Variants in SND1 observed in about 807,000 individuals in gnomAD.
SND1 encodes staphylococcal nuclease domain-containing protein 1.
In SND1, 38 loss-of-function variants were observed where a neutral mutation model predicts 121.7. The ratio of observed to expected loss-of-function variants is 0.31; its 90% CI spans 0.24 to 0.41. SND1 has a LOEUF of 0.41. Among genes scored for constraint, SND1 ranks in the 10% least tolerant of loss-of-function variants. The probability of loss-of-function intolerance (pLI) is 1.00; values close to 1 mark genes in which losing one functional copy is unlikely to be tolerated. For missense variants in SND1, 868 were observed against 1,184.6 expected (o/e 0.73, Z 3.92); for synonymous variants, 401 against 447.4 (o/e 0.90, Z 1.31).
intron 1 of SND1, among the ~76,000 whole-genome samples, chr7:127,678,851 A>C (rs1795659155): frequency 6.6e-6 from 1 of 152,024 alleles, no homozygotes; most frequent in Non-Finnish European, 1.5e-5. Context: ...AAATGTTTTC[A>C]TTTCATTAAA....
intron 16 of SND1, among the ~76,000 whole-genome samples, chr7:128,067,823 C>A (rs1439741198): frequency 6.6e-6 from 1 of 152,096 alleles, no homozygotes; most frequent in Non-Finnish European, 1.5e-5. Flanking sequence ...TCCCTGTCCT[C>A]CCCCCATTGC....
chr7:127,858,920 T>C (rs1050081819), intron 12 of SND1, among the ~76,000 whole-genome samples: 1 of 152,222 alleles, frequency 6.6e-6, no homozygotes, highest in Non-Finnish European at 1.5e-5. Flanking sequence ...ATTACTTCAG[T>C]TTCTTCCTCT....
intron 10 of SND1, among the ~76,000 whole-genome samples, chr7:127,726,722 G>A (rs1171284798): frequency 6.6e-6 from 1 of 152,150 alleles, no homozygotes; most frequent in Non-Finnish European, 1.5e-5. Context: ...TGAAGGGGCT[G>A]ACTTATTCTC....
intron 15 of SND1, among the ~76,000 whole-genome samples, chr7:127,981,494 A>G (rs1158893325): frequency 6.6e-6 from 1 of 152,106 alleles, no homozygotes; most frequent in Non-Finnish European, 1.5e-5. Context: ...GGGATGCCAC[A>G]GAAAGGGAAA....
intron 10 of SND1, among the ~76,000 whole-genome samples, chr7:127,742,506 T>TC (rs1229796442): frequency 6.6e-6 from 1 of 151,522 alleles, no homozygotes; most frequent in East Asian, 1.9e-4. Context: ...CTTTTTTTTT[T>TC]CCTTTTTAAA....
chr7:128,029,116 T>C lies in SND1; in HGVS notation c.1779+38060T>C, dbSNP rs1584747623. Reference sequence around the variant, plus strand: ...GTCTGCATCTTGTCAGTGGTGTCTGTCGCGGGTACTGCCACCTGCTTGGGC... The same window carrying C: ...GTCTGCATCTTGTCAGTGGTGTCTGCCGCGGGTACTGCCACCTGCTTGGGC... On this transcript the variant is annotated intron_variant, in intron 16 of 23. Coordinates refer to ENST00000354725, the MANE Select transcript of SND1 (RefSeq NM_014390.4). The surrounding 1 kb of genome is among the most constrained non-coding windows in gnomAD (Gnocchi z 4.2). 6.2e-7 allele frequency: 1 copy of C among 1,614,136 alleles called. No homozygotes were observed. Among genetic ancestry groups the C allele is most frequent in the Non-Finnish European group, 8.5e-7 (1 of 1,180,030 alleles).
chr7:127,691,779 ATT>A (rs75566883), intron 2 of SND1, among the ~76,000 whole-genome samples: 6 of 127,062 alleles, frequency 4.7e-5, no homozygotes, highest in East Asian at 2.3e-4. Flanking sequence ...TGCCTGGCTA[ATT>A]TTTTTTTTTT....
intron 13 of SND1, among the ~76,000 whole-genome samples, chr7:127,888,645 C>T (rs1799954155): frequency 6.6e-6 from 1 of 152,062 alleles, no homozygotes; most frequent in African/African-American, 2.4e-5. Flanking sequence ...TCTTTTGTCA[C>T]TGGGTAGTGT....
At chr7:127,677,404 T>C (rs1795634661) in intron 1 of SND1, among the ~76,000 whole-genome samples, 1 of 152,250 alleles carries the variant, frequency 6.6e-6, no homozygotes, top group Admixed American at 6.5e-5. Flanking sequence ...TATTGCCATA[T>C]ACTGCAGCTC....
At chr7:127,823,953 G>A (rs187952554) in intron 11 of SND1, among the ~76,000 whole-genome samples, 1 of 152,272 alleles carries the variant, frequency 6.6e-6, no homozygotes, top group African/African-American at 2.4e-5. Flanking sequence ...ATAGAGTGAT[G>A]CATTTTATTT....
chr7:127,701,541 T>TAGATACATTCTGCAGAAGCTA (rs55837540), intron 5 of SND1, among the ~76,000 whole-genome samples: 1 of 151,886 alleles, frequency 6.6e-6, no homozygotes, highest in Non-Finnish European at 1.5e-5. Context: ...AAGCTAGTCC[T>TAGATACATTCTGCAGAAGCTA]GTGCTGTTGC....
intron 17 of SND1, among the ~76,000 whole-genome samples, chr7:128,080,823 G>A (rs571891020): frequency 2.0e-5 from 3 of 152,116 alleles, no homozygotes; most frequent in African/African-American, 7.2e-5. Flanking sequence ...AAATTCCCTT[G>A]TTGGTTCTGA....
chr7:127,961,616 A>G (rs1801732219), intron 15 of SND1, among the ~76,000 whole-genome samples: 1 of 152,260 alleles, frequency 6.6e-6, no homozygotes, highest in African/African-American at 2.4e-5. Flanking sequence ...TTGTCTAATC[A>G]GCCTCATTTT....
intron 10 of SND1, among the ~76,000 whole-genome samples, chr7:127,760,868 T>C (rs1797293637): frequency 6.6e-6 from 1 of 152,228 alleles, no homozygotes; most frequent in African/African-American, 2.4e-5. Context: ...TGGTTGCTGG[T>C]ATTGCAAGGA....
At chr7:127,924,774 A>G (rs1800796565) in intron 14 of SND1, among the ~76,000 whole-genome samples, 1 of 152,182 alleles carries the variant, frequency 6.6e-6, no homozygotes, top group African/African-American at 2.4e-5. Flanking sequence ...TTTTAAACAT[A>G]TATTTGTATA....
chr7:128,072,810 A>G (rs1793435416), intron 16 of SND1, among the ~76,000 whole-genome samples: 1 of 152,198 alleles, frequency 6.6e-6, no homozygotes, highest in South Asian at 2.1e-4. Flanking sequence ...GGTGGATCCA[A>G]GGTGTTGAAA....
intron 15 of SND1, among the ~76,000 whole-genome samples, chr7:127,933,726 T>C (rs1208849781): frequency 6.6e-6 from 1 of 152,242 alleles, no homozygotes; most frequent in Non-Finnish European, 1.5e-5. Context: ...AGAGTTTACC[T>C]TGCCCCTCAA....
At chr7:128,070,935 C>T (rs1474251279) in intron 16 of SND1, among the ~76,000 whole-genome samples, 5 of 152,172 alleles carry the variant, frequency 3.3e-5, no homozygotes, top group Non-Finnish European at 5.9e-5. Flanking sequence ...GGCACATTTC[C>T]ATTTTAGGTG....
At chr7:127,738,586 T>C (rs951890691) in intron 10 of SND1, among the ~76,000 whole-genome samples, 7 of 151,972 alleles carry the variant, frequency 4.6e-5, no homozygotes, top group African/African-American at 1.7e-4. Flanking sequence ...GCCCTGAAAG[T>C]TGTTTTTTTA....
Sources: allele counts gnomAD v4.1 joint callset (sites outside exome capture counted in the v4.1 genomes callset), GRCh38; gene constraint gnomAD v4.1.1; non-coding constraint Gnocchi (gnomAD v3.1); transcripts MANE v1.5; gene names NCBI Gene and HGNC (gene_info 2026-07-23, HGNC 2026-07-21).